LAPTM4B: variants seen among roughly 807,000 people sequenced by gnomAD.
LAPTM4B encodes the protein lysosomal-associated transmembrane protein 4B.
A neutral mutation model predicts 28.5 loss-of-function variants in LAPTM4B; 26 were observed. The ratio of observed to expected loss-of-function variants is 0.91; its 90% CI spans 0.67 to 1.27. The LOEUF (loss-of-function observed/expected upper bound fraction) is 1.27, where lower values mean the gene tolerates loss of function less well. Among genes scored for constraint, LAPTM4B ranks in the 50% most tolerant of loss-of-function variants. The pLI is 0.00. For synonymous variants in LAPTM4B, 109 were observed against 106.4 expected, an observed-to-expected ratio of 1.02 and a Z score of -0.15; for missense variants, 288 against 285.8, an observed-to-expected ratio of 1.01 and a Z score of -0.06.
At chr8:97,824,308 G>C (rs1817058555) in intron 5 of LAPTM4B, among the ~76,000 whole-genome samples, 1 of 152,074 alleles carries the variant, frequency 6.6e-6, no homozygotes, top group African/African-American at 2.4e-5. Context: ...CATAAGCAAC[G>C]TATTTCCTGG....
chr8:97,777,755 T>C (rs1816249448), intron 1 of LAPTM4B, among the ~76,000 whole-genome samples: 1 of 152,212 alleles, frequency 6.6e-6, no homozygotes, highest in African/African-American at 2.4e-5. Flanking sequence ...ATCAGCATAT[T>C]AGCTAAACTT....
At chr8:97,802,174 A>C (rs1415504988) in intron 1 of LAPTM4B, among the ~76,000 whole-genome samples, 5 of 152,182 alleles carry the variant, frequency 3.3e-5, no homozygotes, top group African/African-American at 4.8e-5. Context: ...CCATAGAGTA[A>C]AGTGAGTGTA....
chr8:97,851,418 G>T lies in LAPTM4B; in HGVS notation c.625G>T (p.Asp209Tyr), dbSNP rs1322199495. 1 of 1,614,130 alleles carries T rather than the reference G, an allele frequency of 6.2e-7. No individual in the cohort carries two copies. Among genetic ancestry groups the T allele is most frequent in the Non-Finnish European group, 8.5e-7 (1 of 1,179,978 alleles). The change falls in exon 7 of 7, where the codon GAT becomes TAT. Residue 209 changes from aspartate to tyrosine, a missense_variant. Physicochemically the swap from Asp to Tyr is radical, Grantham distance 160 (BLOSUM62 -3). Transcript: ENST00000521545. Reference sequence around the variant, plus strand: ...TCAGGTGCTGCTACCCCCGTATGATGATGCCACTGTGAATGGTGCTGCCAA... The same window carrying T: ...TCAGGTGCTGCTACCCCCGTATGATTATGCCACTGTGAATGGTGCTGCCAA... ...DTTVLLPPYD[D>Y]ATVNGAAKEP...
intron 2 of LAPTM4B, among the ~76,000 whole-genome samples, chr8:97,814,991 C>T (rs886511118): frequency 3.9e-5 from 6 of 152,124 alleles, no homozygotes; most frequent in East Asian, 1.9e-4. Context: ...CGCACCTGGC[C>T]GGAGTTTTTA....
chr8:97,821,739 G>C lies in LAPTM4B; in HGVS notation c.507+2501G>C, dbSNP rs1817006657. Among the ~76,000 whole-genome samples, 3 of 152,222 alleles carry C rather than the reference G, an allele frequency of 2.0e-5. No homozygotes were observed. The South Asian group carries it at 6.2e-4, about 32-fold the overall frequency. The stretch of plus-strand genomic sequence containing the variant: ...TCTGGATATATTCCACAGGCTACAA[G>C]GGGTTTTATGCTCTGGGCTTAGATT... On this transcript the variant is annotated intron_variant, in intron 5 of 6. Coordinates refer to ENST00000521545, the MANE Select transcript of LAPTM4B (RefSeq NM_018407.6).
intron 4 of LAPTM4B, among the ~76,000 whole-genome samples, chr8:97,817,445 C>CTTTTTTT: frequency 1.1e-5 from 1 of 89,002 alleles, no homozygotes; most frequent in Non-Finnish European, 2.3e-5. Flanking sequence ...GCCAACTTTA[C>CTTTTTTT]TTTTTTTTTT....
chr8:97,785,680 C>T (rs1410634612), intron 1 of LAPTM4B, among the ~76,000 whole-genome samples: 1 of 152,142 alleles, frequency 6.6e-6, no homozygotes, highest in Non-Finnish European at 1.5e-5. Context: ...AGTTGTTTGT[C>T]AGGAATTGTC....
At chr8:97,780,177 C>G (rs1436307218) in intron 1 of LAPTM4B, among the ~76,000 whole-genome samples, 3 of 151,836 alleles carry the variant, frequency 2.0e-5, no homozygotes, top group Non-Finnish European at 4.4e-5. Flanking sequence ...GTAATCCCAG[C>G]ACTTTCGGAG....
chr8:97,802,474 T>C (rs991927387), intron 1 of LAPTM4B, among the ~76,000 whole-genome samples: 3 of 152,116 alleles, frequency 2.0e-5, no homozygotes, highest in Non-Finnish European at 2.9e-5. Flanking sequence ...TAGTGCATAA[T>C]GAGAAATAAG....
intron 1 of LAPTM4B, among the ~76,000 whole-genome samples, chr8:97,776,369 G>A (rs541830582): frequency 6.6e-6 from 1 of 152,370 alleles, no homozygotes; most frequent in East Asian, 1.9e-4. Flanking sequence ...CCCAGGTGGT[G>A]TGGGTCGCCG....
At chr8:97,843,308 T>C (rs1586346584) in intron 6 of LAPTM4B, among the ~76,000 whole-genome samples, 1 of 152,042 alleles carries the variant, frequency 6.6e-6, no homozygotes, top group Non-Finnish European at 1.5e-5. Context: ...GTGCCTGTAG[T>C]CCCAGCTACT....
intron 1 of LAPTM4B, among the ~76,000 whole-genome samples, chr8:97,797,546 T>G (rs1453193052): frequency 6.6e-6 from 1 of 152,272 alleles, no homozygotes; most frequent in East Asian, 1.9e-4. Flanking sequence ...ATTCTGTTAC[T>G]TGGCTTTAAT....
At chr8:97,826,727 T>C (rs148499455) in intron 6 of LAPTM4B, among the ~76,000 whole-genome samples, 4,668 of 152,278 alleles carry the variant, frequency 0.031, 127 homozygotes, top group Admixed American at 0.074. Context: ...CAGATTGGTC[T>C]CGAACTCCTG....
At position 97,834,637 on chromosome 8, in the gene LAPTM4B, A is replaced by C. The variant is rs376727939; in HGVS notation, c.603+9484A>C. On this transcript the variant is annotated intron_variant, in intron 6 of 6. Transcript: ENST00000521545. ...CTGGCTGGAGTGCAGTGGTGTGATC[A>C]TGCACCTGGGCCTCAAACTTAAGCA... Among the ~76,000 whole-genome samples, 18 of 152,122 alleles carry C rather than the reference A, an allele frequency of 1.2e-4. No homozygotes were observed. In the East Asian group the frequency reaches 2.9e-3, roughly 25 times the overall value.
intron 6 of LAPTM4B, among the ~76,000 whole-genome samples, chr8:97,848,542 G>C (rs955538775): frequency 1.3e-5 from 2 of 151,882 alleles, no homozygotes; most frequent in Non-Finnish European, 2.9e-5. Context: ...TCTACAGGTC[G>C]GCCACAGTGG....
chr8:97,833,981 C>T (rs913779023), intron 6 of LAPTM4B, among the ~76,000 whole-genome samples: 4 of 151,796 alleles, frequency 2.6e-5, no homozygotes, highest in African/African-American at 7.3e-5. Context: ...TGAACTCATT[C>T]CTCATTCTCT....
chr8:97,840,265 T>G (rs1817325372), intron 6 of LAPTM4B, among the ~76,000 whole-genome samples: 1 of 152,258 alleles, frequency 6.6e-6, no homozygotes, highest in African/African-American at 2.4e-5. Context: ...TATTGGTATT[T>G]TATAATTTTT....
intron 5 of LAPTM4B, among the ~76,000 whole-genome samples, chr8:97,822,281 A>G (rs1317223742): frequency 6.6e-6 from 1 of 151,898 alleles, no homozygotes; most frequent in African/African-American, 2.4e-5. Flanking sequence ...GTTTTTGGTC[A>G]GTCTCCCATG....
rs1484843996 is a variant in LAPTM4B at position 97,809,379 on chromosome 8, TA to T, written c.211+3917del. On this transcript the variant is annotated intron_variant, in intron 2 of 6. Transcript: ENST00000521545. The stretch of plus-strand genomic sequence containing the variant: ...TTTTCTGGAAGAGTTCATATGAGTA[TA>T]ATGGGGTTATTCAGAATAGACAGAG... Among the ~76,000 whole-genome samples, 3 of 152,282 alleles carry T rather than the reference TA, an allele frequency of 2.0e-5. No homozygotes were observed. In the South Asian group the frequency reaches 6.2e-4, roughly 32 times the overall value.
Sources: gnomAD v4.1 joint callset for allele counts (sites outside exome capture counted in the v4.1 genomes callset) on GRCh38, gnomAD v4.1.1 for gene constraint, MANE v1.5 for transcripts, NCBI Gene and HGNC (gene_info 2026-07-23, HGNC 2026-07-21) for gene names.